The following PITPNM3 variants were observed in gnomAD, a reference collection of about 807,000 sequenced individuals.
PITPNM3 encodes the protein membrane-associated phosphatidylinositol transfer protein 3.
In PITPNM3, 26 loss-of-function variants were observed where a neutral mutation model predicts 102.0. That is an observed-to-expected ratio of 0.25 (90% CI 0.19 to 0.35). The LOEUF (loss-of-function observed/expected upper bound fraction) is 0.35, where lower values mean the gene tolerates loss of function less well. Among genes scored for constraint, PITPNM3 ranks in the 10% least tolerant of loss-of-function variants. PITPNM3 has a pLI of 1.00. For synonymous variants in PITPNM3, 578 were observed against 558.6 expected, an observed-to-expected ratio of 1.03 and a Z score of -0.49; for missense variants, 1,083 against 1,346.1, an observed-to-expected ratio of 0.80 and a Z score of 3.06.
chr17:6,520,905 A>G (rs78212327), intron 3 of PITPNM3, among the ~76,000 whole-genome samples: 4,063 of 152,302 alleles, frequency 0.027, 75 homozygotes, highest in Non-Finnish European at 0.039. Flanking sequence ...ATACTGAATG[A>G]TCCCACATAT....
chr17:6,479,549 G>T (rs8079390), intron 6 of PITPNM3: 112,067 of 152,176 alleles, frequency 0.74, 41,409 homozygotes, highest in Middle Eastern at 0.84. Context: ...TGGCTGGTCA[G>T]GAAGGACCAT....
In PITPNM3 at chr17:6,503,814, G is replaced by T. The variant is rs115374688; in HGVS notation, c.227-240C>A. Among the ~76,000 whole-genome samples the T allele has an allele frequency of 2.6e-5, 4 of 152,194 alleles. No homozygotes were observed. In the South Asian group the frequency reaches 8.3e-4, roughly 32 times the overall value. The stretch of plus-strand genomic sequence containing the variant: ...GCCTGGCTCCTCTGCCTCCTCAGGC[G>T]TTTTCACCTCTGTCTTGTCCTCCAG... On this transcript the variant is annotated intron_variant, in intron 3 of 19. Transcript: ENST00000262483.
At chr17:6,460,348 G>A (rs886450777) in intron 18 of PITPNM3, among the ~76,000 whole-genome samples, 1 of 152,208 alleles carries the variant, frequency 6.6e-6, no homozygotes, top group Admixed American at 6.5e-5. Context: ...TGGACAAACT[G>A]AAGTCCTTTC....
chr17:6,525,407 T>C lies in PITPNM3; in HGVS notation c.175A>G (p.Asn59Asp), dbSNP rs1908773518. The change falls in exon 3 of 20, where the codon AAT (asparagine) becomes GAT (aspartate). Residue 59 changes from asparagine (N) to aspartate (D), a missense_variant. By Grantham distance (23) the Asn-to-Asp change is conservative. Coordinates refer to ENST00000262483, the MANE Select transcript of PITPNM3 (RefSeq NM_031220.4). ...ILIGMSQWNS[N>D]DLVEQIETMG... ...GTCTCGATCTGCTCCACGAGGTCATTGGAGTTCCACTGGCTCATCCCAATG... is the reference window on the plus strand; with the variant it reads ...GTCTCGATCTGCTCCACGAGGTCATCGGAGTTCCACTGGCTCATCCCAATG... 2 of 1,614,014 alleles carry C rather than the reference T, an allele frequency of 1.2e-6. No homozygotes were observed. Among genetic ancestry groups the C allele is most frequent in the Non-Finnish European group, 1.7e-6 (2 of 1,180,036 alleles).
chr17:6,505,541 C>T (rs559311173), intron 3 of PITPNM3, among the ~76,000 whole-genome samples: 19 of 152,204 alleles, frequency 1.2e-4, no homozygotes, highest in Non-Finnish European at 8.8e-5. Flanking sequence ...CCAGGTGCAA[C>T]AGCAGCACAG....
chr17:6,493,413 C>T (rs1597382498), intron 4 of PITPNM3, among the ~76,000 whole-genome samples: 1 of 152,220 alleles, frequency 6.6e-6, no homozygotes, highest in East Asian at 1.9e-4. Context: ...GAGCAGAGGG[C>T]AAAGCCAGGA....
rs1904361241 is a variant in PITPNM3, at chr17:6,459,794, G to A, written c.2490+1579C>T. On this transcript the variant is annotated intron_variant, in intron 18 of 19. Coordinates refer to ENST00000262483, the MANE Select transcript of PITPNM3 (RefSeq NM_031220.4). The surrounding 1 kb of genome is among the most constrained non-coding windows in gnomAD (Gnocchi z 5.0). ...TGGATCCCTCCTGGTCACCCAGCAC[G>A]GGCATCTTAGAACTCCTCGCTCCCT... Among the ~76,000 whole-genome samples, 3 of 152,084 alleles carry A rather than the reference G, an allele frequency of 2.0e-5. No homozygotes were observed. Among genetic ancestry groups the A allele is most frequent in the African/African-American group, 4.8e-5 (2 of 41,396 alleles).
chr17:6,477,607 G>A (rs533142889), intron 8 of PITPNM3, among the ~76,000 whole-genome samples: 1 of 152,232 alleles, frequency 6.6e-6, no homozygotes, highest in Admixed American at 6.5e-5. Context: ...GTGCAGTGGT[G>A]CGATCTTGGC....
chr17:6,483,762 A>AG lies in PITPNM3; in HGVS notation c.352-11_352-10insC, dbSNP rs1567671259. On this transcript the variant is annotated splice_polypyrimidine_tract_variant and intron_variant, in intron 5 of 19. Transcript: ENST00000262483. ...GCTGCGGGCAGCCTTCCTGAGAGCC[A>AG]AGGCGGTTGGAATACAGAGAGAGAG... is the stretch of plus-strand genomic sequence containing the variant. The AG allele has an allele frequency of 1.9e-6, 3 of 1,609,768 alleles. No individual in the cohort carries two copies. Among genetic ancestry groups the AG allele is most frequent in the Non-Finnish European group, 2.5e-6 (3 of 1,179,880 alleles).
intron 3 of PITPNM3, among the ~76,000 whole-genome samples, chr17:6,505,940 T>C (rs1907481064): frequency 6.6e-6 from 1 of 152,168 alleles, no homozygotes; most frequent in South Asian, 2.1e-4. Context: ...AGCAGAGATT[T>C]CAGTTTTGAC....
chr17:6,493,456 A>G (rs2150594684), intron 4 of PITPNM3, among the ~76,000 whole-genome samples: 1 of 152,360 alleles, frequency 6.6e-6, no homozygotes, highest in African/African-American at 2.4e-5. Flanking sequence ...CTGGAGAGCC[A>G]TTCCAAGTTT....
rs1442491188 is a variant in PITPNM3, at chr17:6,456,686, T to C, written c.2619+908A>G. Among the ~76,000 whole-genome samples the C allele has an allele frequency of 3.3e-5, 5 of 152,244 alleles. No individual in the cohort carries two copies. In the South Asian group the frequency reaches 8.3e-4, roughly 25 times the overall value. ...GAGACGCCACCATCTCCTGACCCTC[T>C]ACCCGCGGGTCACTCTCAGGCATTG... On this transcript the variant is annotated intron_variant, in intron 19 of 19. Transcript: ENST00000262483.
Position 6,464,545 on chromosome 17 carries a change from A to G in PITPNM3, c.2007+110T>C, listed in dbSNP as rs937105954. On this transcript the variant is annotated intron_variant, in intron 15 of 19. Transcript: ENST00000262483. ...GGGTAGCTCCTGGCCCTGTGCTTCC[A>G]CCCCAGGCAGCTCGGCCCTCTTGAC... is the stretch of plus-strand genomic sequence containing the variant. 4.1e-6 allele frequency: 5 copies of G among 1,231,358 alleles called. No individual in the cohort carries two copies. The African/African-American group carries it at 7.5e-5, about 18-fold the overall frequency. 76.3% of individuals were successfully genotyped at this position (1,231,358 alleles called of 1,614,324 possible).
rs368515060 is a variant in PITPNM3, at chr17:6,463,872, C to T, written c.2166G>A (p.Gln722=). The T allele has an allele frequency of 6.2e-7, 1 of 1,614,032 alleles. No homozygotes were observed. The highest frequency in any genetic ancestry group is 2.2e-5 in the East Asian group (1 of 44,860). The change falls in exon 17 of 20, where the codon CAG becomes CAA. Residue 722 remains glutamine (Q), a synonymous_variant. Transcript: ENST00000262483. ...CCGTGAGGTAGCTCATGGCACAGGT[C>T]TGGTCGCCCCTGAAAGAAACCTGCC... ...YPVKMVVRGD[Q]TCAMSYLTVL... is the part of the protein sequence containing the mutation.
intron 4 of PITPNM3, among the ~76,000 whole-genome samples, chr17:6,487,168 C>T (rs1422614235): frequency 1.3e-5 from 2 of 152,178 alleles, no homozygotes; most frequent in East Asian, 1.9e-4. Flanking sequence ...CTGGGAGGAG[C>T]GTGGTTAAAG....
intron 2 of PITPNM3, among the ~76,000 whole-genome samples, chr17:6,529,321 G>A (rs1441911360): frequency 2.0e-5 from 3 of 152,132 alleles, no homozygotes; most frequent in Non-Finnish European, 4.4e-5. Context: ...TTGGCCAGGC[G>A]CAGTGACTCA....
chr17:6,455,594 T>C lies in PITPNM3; in HGVS notation c.2669A>G (p.His890Arg). Reference protein sequence around the residue: ...AAHLAALEASHRSRPKKNNSR... With the variant: ...AAHLAALEASRRSRPKKNNSR... ...GTTGTTCTTCTTTGGGCGTGAGCGG[T>C]GGCTGGCCTCCAGCGCGGCCAGGTG... The change falls in exon 20 of 20, where the codon CAC (histidine) becomes CGC (arginine). Residue 890 changes from histidine (H) to arginine (R), a missense_variant. Coordinates refer to ENST00000262483, the MANE Select transcript of PITPNM3 (RefSeq NM_031220.4). 8 of 1,561,500 alleles carry C rather than the reference T, an allele frequency of 5.1e-6. No individual in the cohort carries two copies. The highest frequency in any genetic ancestry group is 5.2e-6 in the Non-Finnish European group (6 of 1,159,952).
intron 4 of PITPNM3, among the ~76,000 whole-genome samples, chr17:6,485,819 G>A (rs1906057904): frequency 6.6e-6 from 1 of 152,178 alleles, no homozygotes. Context: ...GTAAACCACA[G>A]CCATGGACCA....
chr17:6,533,994 C>T (rs890257953), intron 2 of PITPNM3, among the ~76,000 whole-genome samples: 7 of 152,308 alleles, frequency 4.6e-5, no homozygotes, highest in East Asian at 1.9e-4. Context: ...CAAGGTTCCC[C>T]AGCCTCCGTT....
Sources: gnomAD v4.1 joint callset for allele counts (sites outside exome capture counted in the v4.1 genomes callset) on GRCh38, gnomAD v4.1.1 for gene constraint, Gnocchi (gnomAD v3.1) non-coding constraint, MANE v1.5 for transcripts, NCBI Gene and HGNC (gene_info 2026-07-23, HGNC 2026-07-21) for gene names.